Variants in DOCK11 observed in about 807,000 individuals in gnomAD.
The protein encoded by DOCK11 is dedicator of cytokinesis 11, also known as dedicator of cytokinesis protein 11.
Under a neutral mutation model 169.1 loss-of-function variants are expected in DOCK11, and 70 were observed. That is an observed-to-expected ratio of 0.41 (90% CI 0.34 to 0.51). DOCK11 has a LOEUF of 0.51. Ranked by LOEUF, DOCK11 falls within the 20% of genes least tolerant of loss-of-function variation. The pLI is 0.10. For missense variants in DOCK11, 1,166 were observed against 1,538.8 expected (o/e 0.76, Z 4.05); for synonymous variants, 529 against 541.3 (o/e 0.98, Z 0.32).
intron 12 of DOCK11, among the ~76,000 whole-genome samples, chrX:118,577,477 A>G (rs912884930): frequency 1.8e-5 from 2 of 112,445 alleles, no homozygotes; most frequent in Non-Finnish European, 3.8e-5. Context: ...ACTTGCTTAA[A>G]CCCATAAATG....
chrX:118,585,866 G>C, intron 16 of DOCK11, among the ~76,000 whole-genome samples: 1 of 112,105 alleles, frequency 8.9e-6, no homozygotes, highest in Non-Finnish European at 1.9e-5. Context: ...CAATTTGCAA[G>C]AGATAAAATG....
chrX:118,665,076 T>C (rs2016308228), intron 45 of DOCK11, among the ~76,000 whole-genome samples: 1 of 111,790 alleles, frequency 8.9e-6, no homozygotes, highest in South Asian at 3.7e-4. Context: ...ATCAGTAAAA[T>C]AAGGACAATA....
intron 1 of DOCK11, among the ~76,000 whole-genome samples, chrX:118,538,485 A>T (rs925633815): frequency 8.9e-6 from 1 of 112,482 alleles, no homozygotes; most frequent in Non-Finnish European, 1.9e-5. Context: ...GTGAATGAAA[A>T]CTTTTAAGAA....
At chrX:118,610,486 T>G in intron 28 of DOCK11, 68 bp downstream of exon 28, 1 of 1,132,590 alleles carries the variant, frequency 8.8e-7, no homozygotes. Context: ...AAGAAAAAAA[T>G]TAAGCACTTT....
At chrX:118,648,677 C>T (rs926660294) in intron 40 of DOCK11, among the ~76,000 whole-genome samples, 1 of 102,423 alleles carries the variant, frequency 9.8e-6, no homozygotes, top group Non-Finnish European at 2.0e-5. Flanking sequence ...TGCAGACTCT[C>T]GAGCTCTTCT....
intron 24 of DOCK11, among the ~76,000 whole-genome samples, chrX:118,605,689 C>T (rs1646765937): frequency 8.9e-6 from 1 of 111,845 alleles, no homozygotes; most frequent in African/African-American, 3.3e-5. Flanking sequence ...TGTGGCCTAA[C>T]ATATATGGTC....
chrX:118,520,369 G>C (rs779991885), intron 1 of DOCK11, among the ~76,000 whole-genome samples: 24 of 112,355 alleles, frequency 2.1e-4, no homozygotes, highest in Non-Finnish European at 4.3e-4. Flanking sequence ...TGTCCAGAAA[G>C]CCCACTCCCT....
intron 16 of DOCK11, among the ~76,000 whole-genome samples, chrX:118,586,711 G>A (rs1404002877): frequency 8.9e-6 from 1 of 111,877 alleles, no homozygotes; most frequent in East Asian, 2.8e-4. Context: ...CAGACTGAGG[G>A]CATCACATAC....
chrX:118,653,743 C>G (rs1270592088), intron 42 of DOCK11, among the ~76,000 whole-genome samples: 1 of 111,585 alleles, frequency 9.0e-6, no homozygotes, highest in Non-Finnish European at 1.9e-5. Flanking sequence ...CCATTTCCCC[C>G]ACATATTGTG....
chrX:118,558,389 G>A (rs907132969), intron 6 of DOCK11, among the ~76,000 whole-genome samples: 8 of 111,623 alleles, frequency 7.2e-5, no homozygotes, highest in East Asian at 2.8e-4. Flanking sequence ...CAAAAGGCTC[G>A]CAGCCTTCAA....
chrX:118,680,016 TCC>T (rs1163282414), intron 48 of DOCK11, among the ~76,000 whole-genome samples: 2 of 91,836 alleles, frequency 2.2e-5, no homozygotes, highest in Non-Finnish European at 4.1e-5. Context: ...AACCTCCGCC[TCC>T]CAAGCTCAAG....
rs981312695 is a variant in DOCK11, at chrX:118,544,404, G to C, written c.392+811G>C. 2.7e-5 allele frequency among the ~76,000 whole-genome samples: 3 copies of C among 110,721 alleles called. No individual in the cohort carries two copies. The Admixed American group carries it at 2.9e-4, about 11-fold the overall frequency. ...TGAGCTCTCCATTTTCTCATCTCTA[G>C]CACTAATTCCTCACAGGATGTCATA... On this transcript the variant is annotated intron_variant, in intron 4 of 52. Coordinates refer to ENST00000276202, the MANE Select transcript of DOCK11 (RefSeq NM_144658.4).
At position 118,565,901 on chromosome X, in the gene DOCK11, C is replaced by A; in HGVS notation, c.694-104C>A. 1.4e-5 allele frequency: 11 copies of A among 773,938 alleles called. No homozygotes were observed. The South Asian group carries it at 2.6e-4, about 18-fold the overall frequency. The allele number at this position is 773,938 out of a possible 1,213,427, so 63.8% of individuals were successfully genotyped here. On this transcript the variant is annotated intron_variant, in intron 7 of 52. Coordinates refer to ENST00000276202, the MANE Select transcript of DOCK11 (RefSeq NM_144658.4). ...AGCAGTTATTTCATGAAAGTCTTGA[C>A]GCACATATGCACTAAGCTGAGATAA...
At chrX:118,517,141 C>T (rs2057695094) in intron 1 of DOCK11, among the ~76,000 whole-genome samples, 1 of 111,292 alleles carries the variant, frequency 9.0e-6, no homozygotes, top group African/African-American at 3.3e-5. Flanking sequence ...ATCCTAGTGA[C>T]TCAGGAGGCT....
At chrX:118,614,849 C>A in intron 29 of DOCK11, 74 bp downstream of exon 29, 1 of 739,281 alleles carries the variant, frequency 1.4e-6, no homozygotes, top group Non-Finnish European at 2.0e-6. Flanking sequence ...TTATTCTCTT[C>A]TAGGGGATTA....
rs1177915013 is a variant in DOCK11 at position 118,566,094 on chromosome X, G to A, written c.783G>A (p.Glu261=). The change falls in exon 8 of 53, where the codon GAG becomes GAA. Residue 261 remains glutamate, a synonymous_variant. Transcript: ENST00000276202. Reference sequence around the variant, plus strand: ...CTGCTGAAACTGAGCAGGAAATGGAGGAATGGTTGATAACTTTGAAAAAGA... The same window carrying A: ...CTGCTGAAACTGAGCAGGAAATGGAAGAATGGTTGATAACTTTGAAAAAGA... ...YLAAETEQEM[E]EWLITLKKII... The A allele has an allele frequency of 4.1e-6, 5 of 1,209,586 alleles. No individual in the cohort carries two copies. Among genetic ancestry groups the A allele is most frequent in the East Asian group, 3.0e-5 (1 of 33,834 alleles).
Position 118,628,214 on chromosome X carries a change from G to T in DOCK11, c.3716G>T (p.Gly1239Val), listed in dbSNP as rs775524798. 8.3e-7 allele frequency: 1 copy of T among 1,208,748 alleles called. No homozygotes were observed. Among genetic ancestry groups the T allele is most frequent in the South Asian group, 1.8e-5 (1 of 56,752 alleles). Residue 1239 changes from glycine to valine, a missense_variant, in exon 34 of 53, where the codon GGT becomes GTT. Transcript: ENST00000276202. Reference sequence around the variant, plus strand: ...GGAATTAAGAGAGAAGATTCAAGAGGTTCCCTCATCCCAGAAGGAGCAACA... The same window carrying T: ...GGAATTAAGAGAGAAGATTCAAGAGTTTCCCTCATCCCAGAAGGAGCAACA... The part of the protein sequence containing the change: ...GHGIKREDSR[G>V]SLIPEGATGF...
At chrX:118,506,312 C>A (rs2057611927) in intron 1 of DOCK11, among the ~76,000 whole-genome samples, 1 of 110,627 alleles carries the variant, frequency 9.0e-6, no homozygotes, top group African/African-American at 3.3e-5. Flanking sequence ...TTATCCCTTT[C>A]ACTCTTAATC....
At chrX:118,601,369 A>G (rs2014331468) in intron 23 of DOCK11, among the ~76,000 whole-genome samples, 1 of 108,339 alleles carries the variant, frequency 9.2e-6, no homozygotes, top group African/African-American at 3.4e-5. Flanking sequence ...GTCTCCAGTA[A>G]ACTGTGATCA....
Sources: allele counts gnomAD v4.1 joint callset (sites outside exome capture counted in the v4.1 genomes callset), GRCh38; gene constraint gnomAD v4.1.1; transcripts MANE v1.5; gene names NCBI Gene and HGNC (gene_info 2026-07-23, HGNC 2026-07-21).